The following MYH14 variants were observed in gnomAD, a reference collection of about 807,000 sequenced individuals.
MYH14 encodes myosin heavy chain 14.
A neutral mutation model predicts 255.5 loss-of-function variants in MYH14; 123 were observed. That is an observed-to-expected ratio of 0.48 (90% CI 0.42 to 0.56). The LOEUF (loss-of-function observed/expected upper bound fraction) is 0.56. Ranked by LOEUF, MYH14 falls within the 20% of genes least tolerant of loss-of-function variation. The pLI is 0.00. For synonymous variants in MYH14, 1,095 were observed against 1,161.2 expected, an observed-to-expected ratio of 0.94 and a Z score of 1.16; for missense variants, 2,423 against 2,802.3, an observed-to-expected ratio of 0.86 and a Z score of 3.06.
At chr19:50,299,163 AAC>A (rs1260900878) in intron 39 of MYH14, among the ~76,000 whole-genome samples, 7 of 152,224 alleles carry the variant, frequency 4.6e-5, no homozygotes, top group Admixed American at 1.3e-4. Context: ...ATTTCCAGGA[AAC>A]ACAGAGGAGA....
intron 10 of MYH14, among the ~76,000 whole-genome samples, chr19:50,239,369 C>T (rs1442104791): frequency 1.3e-5 from 2 of 152,148 alleles, no homozygotes; most frequent in African/African-American, 4.8e-5. Flanking sequence ...CTCCTTCAGT[C>T]TGAAACTCTT....
rs746679895 is a variant in MYH14, at chr19:50,281,681, G to A, written c.4378G>A (p.Glu1460Lys). ...EARRRAAREA[E>K]ALTQRLAEKT... ...ACGGCGCCGGGCAGCCCGGGAGGCC[G>A]AGGCCCTGACCCAGCGCCTGGCAGA... The change falls in exon 33 of 43, where the codon GAG becomes AAG. Residue 1460 changes from glutamate to lysine, a missense_variant. By Grantham distance (56) the Glu-to-Lys change is moderately conservative. Around this residue, in one of 3 missense-constraint regions of MYH14, gnomAD observed 1,513 missense variants for 1,674.8 expected, o/e 0.90. Coordinates refer to ENST00000642316, the MANE Select transcript of MYH14 (RefSeq NM_001145809.2). 34 of 1,611,102 alleles carry A rather than the reference G, an allele frequency of 2.1e-5. No homozygotes were observed. The Admixed American group carries it at 3.7e-4, about 17-fold the overall frequency.
At chr19:50,270,537 A>G (rs1243721698) in intron 24 of MYH14, among the ~76,000 whole-genome samples, 2 of 143,600 alleles carry the variant, frequency 1.4e-5, no homozygotes, top group Non-Finnish European at 3.1e-5. Context: ...AAAAAAAAAA[A>G]GAAAAGAAAA....
At chr19:50,242,798 C>T (rs1048365672) in intron 10 of MYH14, among the ~76,000 whole-genome samples, 5 of 152,124 alleles carry the variant, frequency 3.3e-5, no homozygotes, top group South Asian at 2.1e-4. Flanking sequence ...TTTGAGTCAC[C>T]GAGTGCACAC....
At chr19:50,220,242 T>C (rs184851315) in intron 3 of MYH14, among the ~76,000 whole-genome samples, 21 of 152,022 alleles carry the variant, frequency 1.4e-4, no homozygotes, top group Admixed American at 1.4e-3. Flanking sequence ...ATTATACTTA[T>C]TGAATATGCA....
intron 2 of MYH14, among the ~76,000 whole-genome samples, chr19:50,217,142 CTCCTCACGCAG>C (rs2032525577): frequency 1.3e-5 from 2 of 152,160 alleles, no homozygotes; most frequent in African/African-American, 4.8e-5. Flanking sequence ...CAAATGGTAG[CTCCTCACGCAG>C]TCCTCAACTC....
chr19:50,286,867 C>T (rs1202454870), intron 34 of MYH14, among the ~76,000 whole-genome samples, 173 bp downstream of exon 34: 1 of 152,178 alleles, frequency 6.6e-6, no homozygotes, highest in Non-Finnish European at 1.5e-5. Context: ...CCCAGCACTC[C>T]AGCACTTTGG....
At position 50,268,205 on chromosome 19, in the gene MYH14, G is replaced by A. The variant is rs1272736927; in HGVS notation, c.2871G>A (p.Glu957=). The change falls in exon 24 of 43, where the codon GAG becomes GAA. Residue 957 remains glutamate, a synonymous_variant. Coordinates refer to ENST00000642316, the MANE Select transcript of MYH14 (RefSeq NM_001145809.2). ...GCCTGGCAGAGCAATTGCGAGCAGAGGCAGAACTGTGTGCAGAGGCCGAGG... is the reference window on the plus strand; with the variant it reads ...GCCTGGCAGAGCAATTGCGAGCAGAAGCAGAACTGTGTGCAGAGGCCGAGG... ...RARLAEQLRA[E]AELCAEAEET... 5 of 1,556,060 alleles carry A rather than the reference G, an allele frequency of 3.2e-6. No homozygotes were observed. Among genetic ancestry groups the A allele is most frequent in the East Asian group, 4.8e-5 (2 of 41,252 alleles).
At chr19:50,290,613 C>A (rs2036038658) in intron 35 of MYH14, among the ~76,000 whole-genome samples, 2 of 152,084 alleles carry the variant, frequency 1.3e-5, no homozygotes, top group South Asian at 4.2e-4. Flanking sequence ...CACTGGGGAA[C>A]CATGGGAGGG....
intron 13 of MYH14, 79 bp downstream of exon 13, chr19:50,249,218 C>T (rs1319959049): frequency 1.4e-6 from 2 of 1,448,092 alleles, no homozygotes; most frequent in East Asian, 2.5e-5. Context: ...GGTCTCTCCC[C>T]TTCTCCCTGG....
rs765789880 is a variant in MYH14, at chr19:50,210,433, C to T, written c.68C>T (p.Ala23Val). 2.6e-5 allele frequency: 41 copies of T among 1,554,400 alleles called. No homozygotes were observed. The Admixed American group carries it at 4.8e-4, about 18-fold the overall frequency. The change falls in exon 2 of 43, where the codon GCG becomes GTG. Residue 23 changes from alanine (A) to valine (V), a missense_variant. Physicochemically the swap from Ala to Val is moderately conservative, Grantham distance 64. Coordinates refer to ENST00000642316, the MANE Select transcript of MYH14 (RefSeq NM_001145809.2). ...APPRPGPVPE[A>V]AQPFLFTPRG... The stretch of plus-strand genomic sequence containing the variant: ...CCCAGGCCGGGCCCAGTGCCCGAGG[C>T]GGCCCAGCCGTTCCTGTTCACGCCC...
chr19:50,273,924 C>T (rs547196648), intron 27 of MYH14, among the ~76,000 whole-genome samples: 1 of 152,192 alleles, frequency 6.6e-6, no homozygotes, highest in East Asian at 1.9e-4. Flanking sequence ...TGCACCCGGC[C>T]GTGAACACAC....
Position 50,293,665 on chromosome 19 carries a change from G to A in MYH14, c.5447G>A (p.Arg1816His), listed in dbSNP as rs201923258. ...EQSNSELLND[R>H]YRKLLLQVES... ...AGCAACTCGGAGCTGCTCAATGACC[G>A]CTACCGCAAGCTGCTCCTGCAGGTG... Residue 1816 changes from arginine (R) to histidine (H), a missense_variant, in exon 39 of 43, where the codon CGC (arginine) becomes CAC (histidine). By Grantham distance (29) the Arg-to-His change is conservative. Around this residue, in one of 3 missense-constraint regions of MYH14, gnomAD observed 1,513 missense variants for 1,674.8 expected, o/e 0.90. Coordinates refer to ENST00000642316, the MANE Select transcript of MYH14 (RefSeq NM_001145809.2). This position sits in a 1 kb window ranked among gnomAD's most constrained non-coding sequence, Gnocchi z 4.1. 161 of 1,588,630 alleles carry A rather than the reference G, an allele frequency of 1.0e-4. No individual in the cohort carries two copies. In the East Asian group the frequency reaches 3.1e-3, roughly 31 times the overall value.
chr19:50,232,044 T>TG lies in MYH14; in HGVS notation c.1091dup (p.Phe365IlefsTer37). 2 of 1,612,872 alleles carry TG rather than the reference T, an allele frequency of 1.2e-6. No individual in the cohort carries two copies. The highest frequency in any genetic ancestry group is 1.7e-6 in the Non-Finnish European group (2 of 1,179,890). ...GAGACGCTGGAGTCGCTGCGGGTCC[T>TG]GGGATTCAGCCACGAGGAAATCATC... On this transcript the variant is annotated frameshift_variant, in exon 10 of 43. Coordinates refer to ENST00000642316, the MANE Select transcript of MYH14 (RefSeq NM_001145809.2). LOFTEE classifies it high-confidence loss of function.
In MYH14 at chr19:50,230,656, G is replaced by T. The variant is rs376448746; in HGVS notation, c.973+33G>T. 1 of 1,527,410 alleles carries T rather than the reference G, an allele frequency of 6.5e-7. No individual in the cohort carries two copies. The highest frequency in any genetic ancestry group is 1.4e-5 in the African/African-American group (1 of 72,650). The allele number at this position is 1,527,410 out of a possible 1,614,324, so 94.6% of individuals were successfully genotyped here. A position where few individuals can be genotyped will look rare whatever the true frequency, so the allele number is the denominator to read the frequency against. ...CCGCCCCGTCCTACCCTGCTCACCC[G>T]GGAGAGGGTGGGCACCATGTCTCTC... On this transcript the variant is annotated intron_variant, in intron 9 of 42. Transcript: ENST00000642316. This position sits in a 1 kb window ranked among gnomAD's most constrained non-coding sequence, Gnocchi z 4.7.
Position 50,254,994 on chromosome 19 carries a change from G to A in MYH14, c.1946-226G>A, listed in dbSNP as rs555036036. Among the ~76,000 whole-genome samples the A allele has an allele frequency of 4.6e-5, 7 of 152,308 alleles. No homozygotes were observed. The East Asian group carries it at 7.7e-4, about 17-fold the overall frequency. On this transcript the variant is annotated intron_variant, in intron 16 of 42. Transcript: ENST00000642316. Reference sequence around the variant, plus strand: ...CACTGAATTCTTACAGAGGACATTCGTCCTTTTGGCCAACAGTGTGTGGAT... The same window carrying A: ...CACTGAATTCTTACAGAGGACATTCATCCTTTTGGCCAACAGTGTGTGGAT...
chr19:50,260,748 CGT>C (rs149039486), intron 20 of MYH14, 33 bp downstream of exon 20: 409 of 1,314,580 alleles, frequency 3.1e-4, no homozygotes, highest in Middle Eastern at 1.5e-3. Context: ...TGCGTGTGTG[CGT>C]GTGTGTGTGT....
chr19:50,229,074 C>A (rs940567425), intron 8 of MYH14, among the ~76,000 whole-genome samples: 2 of 152,166 alleles, frequency 1.3e-5, no homozygotes, highest in South Asian at 4.1e-4. Flanking sequence ...CTATCACCCC[C>A]GCTTCACAGA....
At chr19:50,284,889 T>C (rs2035841888) in intron 33 of MYH14, 1 of 151,178 alleles carries the variant, frequency 6.6e-6, no homozygotes, top group Non-Finnish European at 1.5e-5. Context: ...CTTCTTCTTC[T>C]TCTCCTCCTT....
Sources: gnomAD v4.1 joint callset for allele counts (sites outside exome capture counted in the v4.1 genomes callset) on GRCh38, gnomAD v4.1.1 for gene constraint, gnomAD v4.1.1 regional missense constraint, Gnocchi (gnomAD v3.1) non-coding constraint, MANE v1.5 for transcripts, NCBI Gene and HGNC (gene_info 2026-07-23, HGNC 2026-07-21) for gene names.